MYOF: variants seen among roughly 807,000 people sequenced by gnomAD.
MYOF encodes fer-1-like 3, myoferlin.
MYOF carries 244 observed loss-of-function variants against 284.2 expected under a neutral mutation model. The observed-to-expected ratio is 0.86, with a 90% confidence interval of 0.77 to 0.95. The LOEUF (loss-of-function observed/expected upper bound fraction) is 0.95, where lower values mean the gene tolerates loss of function less well. MYOF is among the 40% of genes least tolerant of loss of function. MYOF has a pLI of 0.00. For missense variants in MYOF, 2,496 were observed against 2,560.6 expected (o/e 0.97, Z 0.54); for synonymous variants, 904 against 919.7 (o/e 0.98, Z 0.31).
Position 93,351,537 on chromosome 10 carries a change from G to C in MYOF, c.3698C>G (p.Ser1233Cys). The change falls in exon 34 of 54, where the codon TCT (serine) becomes TGT (cysteine). Residue 1233 changes from serine (S) to cysteine (C), a missense_variant. Around this residue, in one of 3 missense-constraint regions of MYOF, gnomAD observed 2,436 missense variants for 2,480.7 expected, o/e 0.98. Coordinates refer to ENST00000359263, the MANE Select transcript of MYOF (RefSeq NM_013451.4). The part of the protein sequence containing the change: ...KDEFLGRSIF[S>C]PVVKLNSEMD... ...TTCTGAGTTCAGTTTCACCACAGGA[G>C]AGAAAATGCTTCGTCCTAAAAATTC... 6.2e-7 allele frequency: 1 copy of C among 1,614,190 alleles called. No homozygotes were observed. The highest frequency in any genetic ancestry group is 1.6e-4 in the Middle Eastern group (1 of 6,062).
chr10:93,310,508 G>C, intron 52 of MYOF, 26 bp downstream of exon 52: 1 of 1,606,782 alleles, frequency 6.2e-7, no homozygotes, highest in Non-Finnish European at 8.5e-7. Context: ...TGTTTGGGGA[G>C]TGGGAGAACA....
intron 48 of MYOF, among the ~76,000 whole-genome samples, chr10:93,321,719 ATTTAAT>A (rs1842850064): frequency 6.6e-6 from 1 of 152,052 alleles, no homozygotes; most frequent in South Asian, 2.1e-4. Flanking sequence ...GAATTTTCAC[ATTTAAT>A]TTTAAACATA....
intron 36 of MYOF, among the ~76,000 whole-genome samples, chr10:93,348,360 AC>A (rs1274764326): frequency 6.6e-6 from 1 of 151,788 alleles, no homozygotes; most frequent in African/African-American, 2.4e-5. Context: ...TTTCTCCTCA[AC>A]TCCCCCTGGC....
Position 93,388,949 on chromosome 10 carries a change from C to A in MYOF, c.1581+81G>T, listed in dbSNP as rs1846535917. The A allele has an allele frequency of 3.3e-6, 5 of 1,521,190 alleles. No homozygotes were observed. The Admixed American group carries it at 6.0e-5, about 18-fold the overall frequency. 94.2% of individuals were successfully genotyped at this position (1,521,190 alleles called of 1,614,324 possible). ...TAGGGAGTATGAAACTTCTATCCTGCAATACTTGATCAGACATTATAAGAA... is the reference window on the plus strand; with the variant it reads ...TAGGGAGTATGAAACTTCTATCCTGAAATACTTGATCAGACATTATAAGAA... On this transcript the variant is annotated intron_variant, in intron 18 of 53. Coordinates refer to ENST00000359263, the MANE Select transcript of MYOF (RefSeq NM_013451.4).
chr10:93,328,905 T>C lies in MYOF; in HGVS notation c.4989A>G (p.Gly1663=). ...TCAGTTGATCTCGCCAGGTATTGAC[T>C]CCAGAACTGTGAATAGCATCACGTG... ...CGIPEEYCVS[G]VNTWRDQLRP... is the part of the protein sequence containing the mutation. The change falls in exon 45 of 54, where the codon GGA becomes GGG. Residue 1663 remains glycine, a synonymous_variant. Coordinates refer to ENST00000359263, the MANE Select transcript of MYOF (RefSeq NM_013451.4). 1.9e-6 allele frequency: 3 copies of C among 1,603,788 alleles called. No homozygotes were observed. The South Asian group carries it at 3.3e-5, about 18-fold the overall frequency.
At chr10:93,307,579 C>T (rs577839434) in intron 53 of MYOF, among the ~76,000 whole-genome samples, 6 of 151,112 alleles carry the variant, frequency 4.0e-5, no homozygotes, top group African/African-American at 9.7e-5. Context: ...GGATTACAGG[C>T]GTGAGCCACC....
intron 13 of MYOF, 67 bp downstream of exon 13, chr10:93,399,325 C>A: frequency 8.0e-7 from 1 of 1,252,812 alleles, no homozygotes; most frequent in Non-Finnish European, 1.1e-6. Context: ...GGAATTCACT[C>A]CAAGGAAAGC....
At chr10:93,411,632 A>T (rs1052887770) in intron 5 of MYOF, among the ~76,000 whole-genome samples, 3 of 152,182 alleles carry the variant, frequency 2.0e-5, no homozygotes, top group African/African-American at 7.2e-5. Context: ...CACAGCAGGC[A>T]GGGGTCCCAA....
At chr10:93,471,857 C>T (rs1030868869) in intron 1 of MYOF, among the ~76,000 whole-genome samples, 28 of 151,126 alleles carry the variant, frequency 1.9e-4, no homozygotes, top group Non-Finnish European at 3.5e-4. Context: ...CCATTGCACT[C>T]CAGCCTGGGT....
At chr10:93,342,006 C>G in intron 38 of MYOF, 1 of 1,255,426 alleles carries the variant, frequency 8.0e-7, no homozygotes, top group Non-Finnish European at 1.0e-6. Flanking sequence ...TGGCCATGTA[C>G]ACATGTCCAT....
chr10:93,451,627 A>G lies in MYOF; in HGVS notation c.236+423T>C, dbSNP rs115614201. 8.1e-4 allele frequency among the ~76,000 whole-genome samples: 124 copies of G among 152,318 alleles called. 1 individual carries two copies. The highest frequency in any genetic ancestry group is 2.8e-3 in the African/African-American group (117 of 41,572). On this transcript the variant is annotated intron_variant, in intron 3 of 53. Transcript: ENST00000359263. The stretch of plus-strand genomic sequence containing the variant: ...ATTAAAAGGCGAAGGAGACATTAAC[A>G]TGGAAATGGGGCTGAAAGTAAAACT...
At chr10:93,346,944 G>C (rs972844734) in intron 37 of MYOF, among the ~76,000 whole-genome samples, 1 of 152,190 alleles carries the variant, frequency 6.6e-6, no homozygotes, top group Non-Finnish European at 1.5e-5. Context: ...TGTGGGAACA[G>C]CTCTCCCTGC....
intron 19 of MYOF, among the ~76,000 whole-genome samples, chr10:93,385,547 A>G (rs1846323289): frequency 6.6e-6 from 1 of 152,194 alleles, no homozygotes; most frequent in African/African-American, 2.4e-5. Context: ...TGCATTCGTT[A>G]AGTCCTTCTG....
At chr10:93,474,361 C>G (rs1195570351) in intron 1 of MYOF, among the ~76,000 whole-genome samples, 1 of 152,204 alleles carries the variant, frequency 6.6e-6, no homozygotes, top group Non-Finnish European at 1.5e-5. Flanking sequence ...TCCTCCTGTA[C>G]TGTTCCAAAG....
chr10:93,433,506 C>T (rs1365592915), intron 3 of MYOF, among the ~76,000 whole-genome samples: 4 of 152,164 alleles, frequency 2.6e-5, no homozygotes, highest in African/African-American at 9.7e-5. Flanking sequence ...CTGTCTACAT[C>T]GGCACTGACT....
intron 20 of MYOF, among the ~76,000 whole-genome samples, chr10:93,380,607 T>G (rs967532162): frequency 3.9e-5 from 6 of 152,226 alleles, no homozygotes; most frequent in Admixed American, 3.9e-4. Context: ...ACAGTTTTAT[T>G]GGAAGTTCTC....
intron 53 of MYOF, among the ~76,000 whole-genome samples, chr10:93,308,019 G>T (rs1303928836): frequency 6.7e-6 from 1 of 149,660 alleles, no homozygotes; most frequent in Admixed American, 6.7e-5. Flanking sequence ...AAGGCAGGCA[G>T]ATCACATGAG....
intron 43 of MYOF, 111 bp downstream of exon 43, chr10:93,333,110 G>T: frequency 2.2e-6 from 2 of 895,066 alleles, no homozygotes; most frequent in Admixed American, 1.8e-5. Flanking sequence ...TGTTTATCTA[G>T]TTCACAAACA....
rs114738805 is a variant in MYOF, at chr10:93,474,297, G to C, written c.88+7810C>G. Among the ~76,000 whole-genome samples, 1,149 of 152,226 alleles carry C rather than the reference G, an allele frequency of 7.5e-3. 7 individuals are homozygous for C. The highest frequency in any genetic ancestry group is 0.026 in the African/African-American group (1,079 of 41,540). ...GCCTAGCGGCTCCCCAATGGTTGAT[G>C]AGTAAAGTTCAATCCCTATTCATAC... On this transcript the variant is annotated intron_variant, in intron 1 of 53. Transcript: ENST00000359263.
Sources: gnomAD v4.1 joint callset for allele counts (sites outside exome capture counted in the v4.1 genomes callset) on GRCh38, gnomAD v4.1.1 for gene constraint, gnomAD v4.1.1 regional missense constraint, MANE v1.5 for transcripts, NCBI Gene and HGNC (gene_info 2026-07-23, HGNC 2026-07-21) for gene names.